NAV2: variants seen among roughly 807,000 people sequenced by gnomAD.
NAV2 encodes the protein helicase, APC down-regulated 1.
A neutral mutation model predicts 223.2 loss-of-function variants in NAV2; 54 were observed. The ratio of observed to expected loss-of-function variants is 0.24; its 90% CI spans 0.19 to 0.30. NAV2 has a LOEUF of 0.30. Among genes scored for constraint, NAV2 ranks in the 10% least tolerant of loss-of-function variants. The probability of loss-of-function intolerance (pLI) is 1.00; values close to 1 mark genes in which losing one functional copy is unlikely to be tolerated. For missense variants in NAV2, 2,806 were observed against 3,147.5 expected, an observed-to-expected ratio of 0.89 and a Z score of 2.60; for synonymous variants, 1,279 against 1,239.3, an observed-to-expected ratio of 1.03 and a Z score of -0.67.
intron 1 of NAV2, among the ~76,000 whole-genome samples, chr11:19,355,592 A>G (rs1853572605): frequency 6.6e-6 from 1 of 152,144 alleles, no homozygotes; most frequent in South Asian, 2.1e-4. Flanking sequence ...TCACAGGCCC[A>G]CCACCTTCTT....
At chr11:19,367,108 A>G (rs1173029399) in intron 1 of NAV2, among the ~76,000 whole-genome samples, 2 of 152,204 alleles carry the variant, frequency 1.3e-5, no homozygotes, top group East Asian at 3.9e-4. Flanking sequence ...AATCTGGGTC[A>G]TGTGGCACCA....
chr11:19,665,417 G>A (rs1445808203), intron 1 of NAV2, among the ~76,000 whole-genome samples: 3 of 152,180 alleles, frequency 2.0e-5, no homozygotes, highest in African/African-American at 4.8e-5. Context: ...CATCCCTTCT[G>A]GAGCTCCTGA....
chr11:20,115,631 CAAAAA>C (rs386373266), intron 37 of NAV2, among the ~76,000 whole-genome samples: 2,765 of 47,908 alleles, frequency 0.058, 118 homozygotes, highest in African/African-American at 0.21. Context: ...GACTCCGTCT[CAAAAA>C]AAAAAAAAAA....
chr11:19,684,798 G>A (rs911863318), intron 1 of NAV2, among the ~76,000 whole-genome samples: 6 of 152,140 alleles, frequency 3.9e-5, no homozygotes, highest in South Asian at 2.1e-4. Flanking sequence ...CTCTTCAAGG[G>A]TAGAGTTCTT....
chr11:19,683,507 G>C (rs1319781546), intron 1 of NAV2, among the ~76,000 whole-genome samples: 1 of 152,264 alleles, frequency 6.6e-6, no homozygotes, highest in Non-Finnish European at 1.5e-5. Context: ...GGCATTACTG[G>C]TAGAGTTCTC....
At chr11:19,406,125 C>G (rs1341676627) in intron 1 of NAV2, among the ~76,000 whole-genome samples, 1 of 152,168 alleles carries the variant, frequency 6.6e-6, no homozygotes, top group Non-Finnish European at 1.5e-5. Context: ...GTGGTCAGCC[C>G]AGGCTGGCTT....
intron 1 of NAV2, among the ~76,000 whole-genome samples, chr11:19,753,862 G>A (rs1030655332): frequency 6.6e-6 from 1 of 152,226 alleles, no homozygotes; most frequent in Non-Finnish European, 1.5e-5. Flanking sequence ...CCAGCTTTGA[G>A]GTTAATGCCC....
At chr11:19,602,717 C>A (rs1264591296) in intron 1 of NAV2, among the ~76,000 whole-genome samples, 9 of 152,204 alleles carry the variant, frequency 5.9e-5, no homozygotes, top group African/African-American at 1.9e-4. Flanking sequence ...CAGCATCACT[C>A]CAATCTCTGC....
intron 1 of NAV2, among the ~76,000 whole-genome samples, chr11:19,827,309 G>A (rs1054117188): frequency 6.6e-6 from 1 of 152,086 alleles, no homozygotes; most frequent in African/African-American, 2.4e-5. Flanking sequence ...CAGGTCACTC[G>A]GTCACAACTG....
upstream of NAV2, among the ~76,000 whole-genome samples, chr11:19,708,638 G>T (rs188744867): frequency 9.8e-4 from 149 of 152,294 alleles, no homozygotes; most frequent in African/African-American, 3.4e-3. Flanking sequence ...ATCACAAGTG[G>T]CTGACGTTGA....
intron 11 of NAV2, among the ~76,000 whole-genome samples, chr11:20,024,424 GC>G (rs1449477046): frequency 2.6e-5 from 4 of 152,156 alleles, no homozygotes; most frequent in African/African-American, 7.2e-5. Context: ...GCCTTGGGCT[GC>G]TGAGGCTGTG....
chr11:19,577,722 G>A (rs561822324), intron 1 of NAV2, among the ~76,000 whole-genome samples: 15 of 152,286 alleles, frequency 9.8e-5, no homozygotes, highest in African/African-American at 3.6e-4. Context: ...ATGGGGGTGT[G>A]GGTTGGGTGG....
chr11:19,806,773 G>A (rs371069960), intron 1 of NAV2, among the ~76,000 whole-genome samples: 3 of 152,146 alleles, frequency 2.0e-5, no homozygotes. Context: ...CTTAAGCCTC[G>A]CTGTCCCACT....
intron 4 of NAV2, among the ~76,000 whole-genome samples, chr11:19,874,922 C>T (rs1024237647): frequency 1.3e-5 from 2 of 152,170 alleles, no homozygotes; most frequent in Admixed American, 6.5e-5. Flanking sequence ...TTTGGGAGGC[C>T]GAGGTGGGTG....
At chr11:19,793,734 G>A (rs796428939) in intron 1 of NAV2, among the ~76,000 whole-genome samples, 1 of 152,270 alleles carries the variant, frequency 6.6e-6, no homozygotes, top group African/African-American at 2.4e-5. Flanking sequence ...AATAAAATCC[G>A]ATTCCCCTGT....
At chr11:19,583,794 G>C (rs569589021) in intron 1 of NAV2, among the ~76,000 whole-genome samples, 18 of 152,282 alleles carry the variant, frequency 1.2e-4, no homozygotes, top group African/African-American at 4.3e-4. Context: ...TTTTACTGAG[G>C]ATTTTTGCAT....
At chr11:19,350,085 C>CTGATGA (rs3077390), upstream of NAV2, among the ~76,000 whole-genome samples, 7,874 of 149,634 alleles carry the variant, frequency 0.053, 594 homozygotes, top group African/African-American at 0.16. Flanking sequence ...CCTTATTCCT[C>CTGATGA]TGATGATGAT....
chr11:20,049,313 A>G, intron 15 of NAV2, 118 bp downstream of exon 15: 1 of 782,034 alleles, frequency 1.3e-6, no homozygotes. Flanking sequence ...TCTCTTTCTA[A>G]TTACTGCTGT....
intron 3 of NAV2, 42 bp from the exon 4 acceptor site, chr11:19,868,883 C>A (rs532869260): frequency 1.3e-6 from 2 of 1,597,198 alleles, no homozygotes; most frequent in Admixed American, 3.3e-5. Context: ...TCTGGAGAGG[C>A]TGAACATTTA....
Sources: allele counts gnomAD v4.1 joint callset (sites outside exome capture counted in the v4.1 genomes callset), GRCh38; gene constraint gnomAD v4.1.1; transcripts MANE v1.5; gene names NCBI Gene and HGNC (gene_info 2026-07-23, HGNC 2026-07-21).